Variants in DIPK1A observed in about 807,000 individuals in gnomAD.
DIPK1A encodes divergent protein kinase domain 1A.
A neutral mutation model predicts 40.8 loss-of-function variants in DIPK1A; 27 were observed. The observed-to-expected ratio is 0.66, with a 90% CI of 0.49 to 0.91. The LOEUF (loss-of-function observed/expected upper bound fraction) is 0.91. DIPK1A is among the 40% of genes least tolerant of loss of function. DIPK1A has a pLI of 0.00. For missense variants in DIPK1A, 412 were observed against 505.7 expected (o/e 0.81, Z 1.78); for synonymous variants, 166 against 171.3 (o/e 0.97, Z 0.24).
chr1:92,849,945 G>C (rs1036089658), intron 3 of DIPK1A, among the ~76,000 whole-genome samples: 1 of 151,724 alleles, frequency 6.6e-6, no homozygotes, highest in East Asian at 1.9e-4. Context: ...CCCGTGCCAC[G>C]GGCCCGGCTG....
At chr1:92,833,668 G>A in intron 4 of DIPK1A, 1 of 1,601,692 alleles carries the variant, frequency 6.2e-7, no homozygotes, top group Admixed American at 1.7e-5. Flanking sequence ...CAGGTAAGTT[G>A]TATTCTAGAC....
chr1:92,845,541 GAAAAA>G (rs545634818), intron 4 of DIPK1A: 8 of 227,234 alleles, frequency 3.5e-5, no homozygotes, highest in African/African-American at 7.3e-5. Context: ...CGTCTCTGCT[GAAAAA>G]AAAAAAAAAA....
intron 1 of DIPK1A, among the ~76,000 whole-genome samples, chr1:92,914,005 TTATTAGAA>T (rs1649944497): frequency 6.6e-6 from 1 of 152,060 alleles, no homozygotes; most frequent in Admixed American, 6.6e-5. Flanking sequence ...AGTGAAATGA[TTATTAGAA>T]TATGCAGAGA....
chr1:92,875,880 A>G (rs1307208090), intron 2 of DIPK1A, among the ~76,000 whole-genome samples: 1 of 151,992 alleles, frequency 6.6e-6, no homozygotes, highest in Non-Finnish European at 1.5e-5. Context: ...CTAGGATAGA[A>G]ACAGAATAAT....
At chr1:92,950,257 G>A (rs992874124) in intron 1 of DIPK1A, among the ~76,000 whole-genome samples, 10 of 152,188 alleles carry the variant, frequency 6.6e-5, no homozygotes, top group Admixed American at 3.3e-4. Flanking sequence ...GGGTGGACAC[G>A]TTGACACATG....
Position 92,843,073 on chromosome 1 carries a change from A to T in DIPK1A, c.*310T>A. The T allele has an allele frequency of 1.5e-5, 16 of 1,037,020 alleles. No individual in the cohort carries two copies. The highest frequency in any genetic ancestry group is 1.9e-5 in the Non-Finnish European group (16 of 863,806). 64.2% of individuals were successfully genotyped at this position (1,037,020 alleles called of 1,614,324 possible). A position where few individuals can be genotyped will look rare whatever the true frequency, so the allele number is the denominator to read the frequency against. On this transcript the variant is annotated 3_prime_UTR_variant, in exon 5 of 5. Transcript: ENST00000370310. ...TATTTTGGCTAAGGTAAATCTACAA[A>T]TCACTCACTGTTGATGTTTATGGAA...
chr1:92,936,624 C>T (rs997993217), intron 1 of DIPK1A, among the ~76,000 whole-genome samples: 16 of 148,338 alleles, frequency 1.1e-4, no homozygotes, highest in Middle Eastern at 3.4e-3. Context: ...AGCGAAACTC[C>T]GTCTCAAAAA....
chr1:92,836,513 G>A (rs993733411), intron 4 of DIPK1A: 3 of 887,560 alleles, frequency 3.4e-6, no homozygotes, highest in East Asian at 2.6e-5. Context: ...TGTATGCCTA[G>A]GTACCATGCA....
At chr1:92,847,875 A>G (rs1687690127) in intron 3 of DIPK1A, among the ~76,000 whole-genome samples, 1 of 152,142 alleles carries the variant, frequency 6.6e-6, no homozygotes, top group Non-Finnish European at 1.5e-5. Flanking sequence ...AGCCAGGACT[A>G]TAGGCATGTA....
At chr1:92,906,143 T>G (rs1188632058) in intron 1 of DIPK1A, among the ~76,000 whole-genome samples, 1 of 152,176 alleles carries the variant, frequency 6.6e-6, no homozygotes, top group Non-Finnish European at 1.5e-5. Context: ...AGGATTTTTT[T>G]TCTATTTCTG....
intron 1 of DIPK1A, among the ~76,000 whole-genome samples, chr1:92,924,687 C>A (rs1390802520): frequency 6.6e-6 from 1 of 152,166 alleles, no homozygotes; most frequent in African/African-American, 2.4e-5. Flanking sequence ...GAACAACAGG[C>A]TCTAGATGTC....
chr1:92,893,180 A>G (rs866292378), intron 1 of DIPK1A, among the ~76,000 whole-genome samples: 3 of 150,556 alleles, frequency 2.0e-5, no homozygotes, highest in Non-Finnish European at 4.4e-5. Context: ...CGAGAAGAGC[A>G]ACTCCAAGAC....
intron 1 of DIPK1A, among the ~76,000 whole-genome samples, chr1:92,953,509 G>A (rs529654593): frequency 6.6e-6 from 1 of 152,142 alleles, no homozygotes; most frequent in Non-Finnish European, 1.5e-5. Flanking sequence ...CAACCTAAAT[G>A]TTCATCGACT....
chr1:92,838,065 A>G (rs1291772776), downstream of DIPK1A, among the ~76,000 whole-genome samples: 5 of 152,240 alleles, frequency 3.3e-5, no homozygotes, highest in South Asian at 2.1e-4. Context: ...GAGGGGAGCC[A>G]TGTTTGCAAG....
chr1:92,877,188 G>A, intron 1 of DIPK1A: 1 of 965,852 alleles, frequency 1.0e-6, no homozygotes, highest in Non-Finnish European at 1.2e-6. Flanking sequence ...ATTGCAACTC[G>A]GGCTGGTTGA....
intron 1 of DIPK1A, among the ~76,000 whole-genome samples, chr1:92,885,108 T>C (rs1191778930): frequency 1.3e-5 from 2 of 152,126 alleles, no homozygotes; most frequent in African/African-American, 4.8e-5. Context: ...AGCAGAGGTA[T>C]ATGTCCAAAT....
At chr1:92,915,305 C>T (rs1043975042) in intron 1 of DIPK1A, among the ~76,000 whole-genome samples, 8 of 151,962 alleles carry the variant, frequency 5.3e-5, no homozygotes, top group Non-Finnish European at 1.5e-5. Context: ...CATGTGAGTC[C>T]GTGTATTTAA....
At chr1:92,922,100 T>C (rs1226408538) in intron 1 of DIPK1A, among the ~76,000 whole-genome samples, 1 of 152,200 alleles carries the variant, frequency 6.6e-6, no homozygotes, top group Non-Finnish European at 1.5e-5. Context: ...TTATGTTCTC[T>C]AGTTTAACTG....
chr1:92,931,451 G>T, intron 1 of DIPK1A: 1 of 188,324 alleles, frequency 5.3e-6, no homozygotes. Flanking sequence ...GAGAAGGCCA[G>T]GTGCGGTGGC....
Sources: allele counts gnomAD v4.1 joint callset (sites outside exome capture counted in the v4.1 genomes callset), GRCh38; gene constraint gnomAD v4.1.1; transcripts MANE v1.5; gene names NCBI Gene and HGNC (gene_info 2026-07-23, HGNC 2026-07-21).